Variants in ABCB11 observed in about 807,000 individuals in gnomAD.
The protein encoded by ABCB11 is bile salt export pump.
A neutral mutation model predicts 148.0 loss-of-function variants in ABCB11; 95 were observed. The observed-to-expected ratio is 0.64, with a 90% confidence interval of 0.54 to 0.76. ABCB11 has a LOEUF of 0.76. ABCB11 is among the 30% of genes least tolerant of loss of function. The pLI, the probability that ABCB11 is intolerant of heterozygous loss-of-function variation, is 0.00. For missense variants in ABCB11, 1,523 were observed against 1,617.8 expected (o/e 0.94, Z 1.01); for synonymous variants, 591 against 555.4 (o/e 1.06, Z -0.90).
At chr2:168,973,962 C>T in intron 12 of ABCB11, 122 bp from the exon 13 acceptor site, 1 of 1,068,334 alleles carries the variant, frequency 9.4e-7, no homozygotes, top group Non-Finnish European at 1.3e-6. Context: ...TATGTATGCC[C>T]CCAAAGCAAC....
At chr2:168,959,695 TG>T (rs1488890779) in intron 18 of ABCB11, among the ~76,000 whole-genome samples, 2 of 151,550 alleles carry the variant, frequency 1.3e-5, no homozygotes, top group Non-Finnish European at 3.0e-5. Context: ...CAAACCTTAC[TG>T]CCCCCATCTG....
chr2:168,980,907 G>A lies in ABCB11; in HGVS notation c.1084-928C>T, dbSNP rs74359328. Among the ~76,000 whole-genome samples the A allele has an allele frequency of 4.3e-3, 656 of 152,226 alleles. 6 individuals are homozygous for A. The highest frequency in any genetic ancestry group is 0.015 in the African/African-American group (631 of 41,528). On this transcript the variant is annotated intron_variant, in intron 10 of 27. Coordinates refer to ENST00000650372, the MANE Select transcript of ABCB11 (RefSeq NM_003742.4). ...GACAATGAGGCAAATCCTCAAGTTGGCCTCCAGAAGGAATACCAGTCTCCT... is the reference window on the plus strand; with the variant it reads ...GACAATGAGGCAAATCCTCAAGTTGACCTCCAGAAGGAATACCAGTCTCCT...
At chr2:168,978,224 C>A (rs549022045) in intron 11 of ABCB11, among the ~76,000 whole-genome samples, 29 of 140,140 alleles carry the variant, frequency 2.1e-4, no homozygotes, top group African/African-American at 7.3e-4. Flanking sequence ...TAGCTCACTG[C>A]ATCTTCAAAC....
intron 19 of ABCB11, among the ~76,000 whole-genome samples, chr2:168,957,398 C>T (rs1293897293): frequency 1.3e-5 from 2 of 151,704 alleles, no homozygotes; most frequent in Non-Finnish European, 3.0e-5. Flanking sequence ...TTACAGCAAT[C>T]AAGTCAGATA....
chr2:168,943,427 A>G (rs1331247805), intron 21 of ABCB11, among the ~76,000 whole-genome samples: 1 of 152,006 alleles, frequency 6.6e-6, no homozygotes, highest in East Asian at 1.9e-4. Flanking sequence ...GGAGGAGAAA[A>G]ACCTAGGGGA....
intron 21 of ABCB11, among the ~76,000 whole-genome samples, chr2:168,937,095 C>T (rs1174759205): frequency 6.6e-6 from 1 of 152,118 alleles, no homozygotes; most frequent in African/African-American, 2.4e-5. Context: ...CTATGTTGCC[C>T]AGGCTGGTCT....
Position 168,927,348 on chromosome 2 carries a change from A to C in ABCB11, c.3426T>G (p.His1142Gln), listed in dbSNP as rs200735761. 1.9e-6 allele frequency: 3 copies of C among 1,613,710 alleles called. No homozygotes were observed. The Admixed American group carries it at 5.0e-5, about 27-fold the overall frequency. Residue 1142 changes from histidine (H) to glutamine (Q), a missense_variant, in exon 26 of 28, where the codon CAT becomes CAG. His to Gln is a conservative substitution (Grantham distance 24). Transcript: ENST00000650372. ...ACTGGACATTTACTTTTTTGCTGTCATGACCATCTATCATCTGCCAATAGA... is the reference window on the plus strand; with the variant it reads ...ACTGGACATTTACTTTTTTGCTGTCCTGACCATCTATCATCTGCCAATAGA... Reference protein sequence around the residue: ...PDQGKVMIDGHDSKKVNVQFL... With the variant: ...PDQGKVMIDGQDSKKVNVQFL...
intron 24 of ABCB11, among the ~76,000 whole-genome samples, chr2:168,931,249 C>T (rs968944619): frequency 3.9e-5 from 6 of 152,100 alleles, no homozygotes; most frequent in Non-Finnish European, 8.8e-5. Flanking sequence ...ACACTTAAAA[C>T]GACCTAGAAA....
chr2:168,927,403 T>C, intron 25 of ABCB11, 41 bp from the exon 26 acceptor site: 1 of 1,540,938 alleles, frequency 6.5e-7, no homozygotes. Context: ...GTTTTTAGAA[T>C]TCCAGCAGTG....
At chr2:168,953,561 T>C (rs1424462086) in intron 19 of ABCB11, among the ~76,000 whole-genome samples, 1 of 151,564 alleles carries the variant, frequency 6.6e-6, no homozygotes, top group Non-Finnish European at 1.5e-5. Context: ...TTACGCCCCA[T>C]TACTCTCAGT....
chr2:168,946,473 G>GCCTT (rs1692327422), intron 19 of ABCB11, among the ~76,000 whole-genome samples: 1 of 151,732 alleles, frequency 6.6e-6, no homozygotes, highest in African/African-American at 2.4e-5. Context: ...AGTTTCTAGG[G>GCCTT]CCTTCATGGT....
intron 9 of ABCB11, 139 bp downstream of exon 9, chr2:168,990,661 TG>T: frequency 5.9e-6 from 6 of 1,013,144 alleles, no homozygotes; most frequent in Non-Finnish European, 8.7e-6. Context: ...TAAATTACTC[TG>T]CTTAGCTCCC....
chr2:168,963,979 G>C (rs1201140843), intron 18 of ABCB11, among the ~76,000 whole-genome samples: 1 of 151,756 alleles, frequency 6.6e-6, no homozygotes, highest in East Asian at 1.9e-4. Flanking sequence ...CCGAAGTCCA[G>C]TTTTCATTAC....
At chr2:168,975,130 T>C (rs1274643111) in intron 12 of ABCB11, among the ~76,000 whole-genome samples, 2 of 132,114 alleles carry the variant, frequency 1.5e-5, no homozygotes, top group African/African-American at 5.5e-5. Flanking sequence ...AATATTTTTA[T>C]ATTTAAATAT....
intron 19 of ABCB11, among the ~76,000 whole-genome samples, chr2:168,948,957 A>G (rs977845783): frequency 1.5e-4 from 22 of 151,616 alleles, no homozygotes; most frequent in Non-Finnish European, 2.2e-4. Flanking sequence ...GATGTGAGAG[A>G]AAGAAATGGA....
intron 19 of ABCB11, among the ~76,000 whole-genome samples, chr2:168,953,162 G>T (rs853779): frequency 0.5 from 75,851 of 151,374 alleles, 19,699 homozygotes; most frequent in South Asian, 0.66. Context: ...CATATCCTGA[G>T]GAAAAGACTG....
intron 23 of ABCB11, among the ~76,000 whole-genome samples, 191 bp downstream of exon 23, chr2:168,934,993 C>G (rs1274196882): frequency 2.0e-5 from 3 of 152,170 alleles, no homozygotes; most frequent in African/African-American, 7.2e-5. Context: ...TACACAGAAG[C>G]CTGACTGAGT....
intron 1 of ABCB11, among the ~76,000 whole-genome samples, chr2:169,024,043 G>C (rs1175217879): frequency 1.3e-5 from 2 of 152,046 alleles, no homozygotes; most frequent in Admixed American, 6.6e-5. Flanking sequence ...GGGGCCTATT[G>C]GGGGAGGGCA....
intron 11 of ABCB11, among the ~76,000 whole-genome samples, 177 bp downstream of exon 11, chr2:168,979,672 CAAAAAAAAAAAAAAAAA>C (rs55859131): frequency 2.0e-5 from 2 of 100,146 alleles, no homozygotes; most frequent in African/African-American, 3.8e-5. Context: ...AACTCCATCT[CAAAAAAAAAAAAAAAAA>C]AAAAAAAAAA....
Sources: gnomAD v4.1 joint callset for allele counts (sites outside exome capture counted in the v4.1 genomes callset) on GRCh38, gnomAD v4.1.1 for gene constraint, MANE v1.5 for transcripts, NCBI Gene and HGNC (gene_info 2026-07-23, HGNC 2026-07-21) for gene names.